Variants in PRR16 observed in about 807,000 individuals in gnomAD.
PRR16 encodes the protein proline rich 16.
A neutral mutation model predicts 18.2 loss-of-function variants in PRR16; 6 were observed. That is an observed-to-expected ratio of 0.33 (90% CI 0.18 to 0.65). PRR16 has a LOEUF of 0.65. Among genes scored for constraint, PRR16 ranks in the 30% least tolerant of loss-of-function variants. The probability of loss-of-function intolerance (pLI) is 0.74; values close to 1 mark genes in which losing one functional copy is unlikely to be tolerated. For synonymous variants in PRR16, 151 were observed against 147.8 expected, an observed-to-expected ratio of 1.02 and a Z score of -0.16; for missense variants, 412 against 376.6, an observed-to-expected ratio of 1.09 and a Z score of -0.78.
intron 1 of PRR16, among the ~76,000 whole-genome samples, chr5:120,668,716 G>T (rs1045170328): frequency 6.6e-6 from 1 of 151,782 alleles, no homozygotes; most frequent in Non-Finnish European, 1.5e-5. Context: ...ACTTATGAAG[G>T]TTAGTTTGGC....
intron 1 of PRR16, among the ~76,000 whole-genome samples, chr5:120,657,863 G>T (rs1224190741): frequency 6.6e-6 from 1 of 151,862 alleles, no homozygotes; most frequent in East Asian, 1.9e-4. Context: ...TTACCATTAA[G>T]AACTGAACTT....
At chr5:120,526,110 A>C (rs1001661111) in intron 1 of PRR16, among the ~76,000 whole-genome samples, 2 of 152,148 alleles carry the variant, frequency 1.3e-5, no homozygotes, top group African/African-American at 2.4e-5. Context: ...CTGCAAAGTA[A>C]CTGTATAGGT....
intron 1 of PRR16, among the ~76,000 whole-genome samples, chr5:120,554,668 A>G (rs1180844924): frequency 6.6e-6 from 1 of 151,878 alleles, no homozygotes; most frequent in Non-Finnish European, 1.5e-5. Flanking sequence ...TATTTTGCAT[A>G]TAGTATTTCA....
intron 1 of PRR16, among the ~76,000 whole-genome samples, chr5:120,610,960 G>A (rs1008022772): frequency 5.3e-5 from 8 of 152,188 alleles, no homozygotes; most frequent in Admixed American, 5.2e-4. Flanking sequence ...GAATGACTTT[G>A]CCCAAAATGC....
At chr5:120,544,518 G>A (rs300966) in intron 1 of PRR16, among the ~76,000 whole-genome samples, 120,650 of 152,016 alleles carry the variant, frequency 0.79, 48,607 homozygotes, top group Non-Finnish European at 0.83. Context: ...ATGCATGTGT[G>A]TATATGTACA....
At chr5:120,791,721 A>T in the PRR16 span, among the ~76,000 whole-genome samples, 1 of 152,116 alleles carries the variant, frequency 6.6e-6, no homozygotes, top group East Asian at 1.9e-4. Flanking sequence ...ACTCAATCAA[A>T]AAGGGCTGTT....
chr5:120,756,328 A>C, the PRR16 span, among the ~76,000 whole-genome samples: 71 of 152,128 alleles, frequency 4.7e-4, no homozygotes, highest in Non-Finnish European at 5.1e-4. Flanking sequence ...TAGTTGTAGG[A>C]AGTTGGTGTG....
chr5:120,792,545 C>T, the PRR16 span, among the ~76,000 whole-genome samples: 2 of 152,138 alleles, frequency 1.3e-5, no homozygotes, highest in Non-Finnish European at 2.9e-5. Context: ...TCATTTTTAT[C>T]TCGAAATGCC....
intron 1 of PRR16, among the ~76,000 whole-genome samples, chr5:120,659,603 A>G (rs2150137458): frequency 1.3e-5 from 2 of 152,178 alleles, no homozygotes; most frequent in East Asian, 3.9e-4. Context: ...CTATTTTGAA[A>G]TATACAGTAG....
chr5:120,581,398 A>G (rs1753267286), intron 1 of PRR16, among the ~76,000 whole-genome samples: 1 of 151,856 alleles, frequency 6.6e-6, no homozygotes, highest in South Asian at 2.1e-4. Context: ...TGCCTATCTG[A>G]TTCTTCTCTC....
At chr5:120,532,640 C>G (rs1293901686) in intron 1 of PRR16, among the ~76,000 whole-genome samples, 3 of 151,944 alleles carry the variant, frequency 2.0e-5, no homozygotes, top group African/African-American at 4.8e-5. Context: ...CAATATTGCA[C>G]TGAAGGATCT....
chr5:120,527,396 T>C (rs544371944), intron 1 of PRR16, among the ~76,000 whole-genome samples: 48 of 152,312 alleles, frequency 3.2e-4, no homozygotes, highest in Middle Eastern at 3.4e-3. Flanking sequence ...TTAGAGCTTA[T>C]GGGCTGCACA....
At chr5:120,661,555 A>C (rs914635447) in intron 1 of PRR16, among the ~76,000 whole-genome samples, 9 of 151,982 alleles carry the variant, frequency 5.9e-5, no homozygotes, top group Admixed American at 2.6e-4. Flanking sequence ...ACTAATCCTA[A>C]AAGTAGCATT....
intron 1 of PRR16, among the ~76,000 whole-genome samples, chr5:120,647,954 G>A (rs1033799398): frequency 1.3e-5 from 2 of 151,972 alleles, no homozygotes; most frequent in African/African-American, 4.8e-5. Context: ...GTGCAGAGAG[G>A]ACTTATTACA....
chr5:120,643,073 T>C (rs906982369), intron 1 of PRR16, among the ~76,000 whole-genome samples: 8 of 152,066 alleles, frequency 5.3e-5, no homozygotes, highest in Non-Finnish European at 1.2e-4. Context: ...ATAAATATAC[T>C]CGCAAAATAT....
chr5:120,791,465 T>G, the PRR16 span, among the ~76,000 whole-genome samples: 1 of 151,990 alleles, frequency 6.6e-6, no homozygotes, highest in African/African-American at 2.4e-5. Flanking sequence ...CAGTAAGGAT[T>G]TTTTCTAAGT....
intron 1 of PRR16, among the ~76,000 whole-genome samples, chr5:120,554,769 T>A (rs1752358726): frequency 6.6e-6 from 1 of 151,980 alleles, no homozygotes; most frequent in South Asian, 2.1e-4. Flanking sequence ...GACAATAATC[T>A]GAAGCATTGC....
chr5:120,754,194 TTATA>T, the PRR16 span, among the ~76,000 whole-genome samples: 2 of 89,838 alleles, frequency 2.2e-5, no homozygotes, highest in Non-Finnish European at 4.2e-5. Flanking sequence ...TAATATATAA[TTATA>T]TATTATAAAT....
intron 1 of PRR16, among the ~76,000 whole-genome samples, chr5:120,577,696 G>T (rs1411543999): frequency 6.6e-6 from 1 of 152,110 alleles, no homozygotes; most frequent in Non-Finnish European, 1.5e-5. Flanking sequence ...GGTAAAGGAG[G>T]ACACAGTAGG....
Sources: allele counts gnomAD v4.1 joint callset (sites outside exome capture counted in the v4.1 genomes callset), GRCh38; gene constraint gnomAD v4.1.1; transcripts MANE v1.5; gene names NCBI Gene and HGNC (gene_info 2026-07-23, HGNC 2026-07-21).